PCDHGA4: variants seen among roughly 807,000 people sequenced by gnomAD.
PCDHGA4 encodes the protein protocadherin gamma-A4.
In PCDHGA4, 38 loss-of-function variants were observed where a neutral mutation model predicts 54.6. The observed-to-expected ratio is 0.70, with a 90% CI of 0.54 to 0.91. PCDHGA4 has a LOEUF of 0.91. Ranked by LOEUF, PCDHGA4 falls within the 40% of genes least tolerant of loss-of-function variation. The pLI, the probability that PCDHGA4 is intolerant of heterozygous loss-of-function variation, is 0.00. For missense variants in PCDHGA4, 1,298 were observed against 1,220.9 expected (o/e 1.06, Z -0.94); for synonymous variants, 511 against 512.9 (o/e 1.00, Z 0.05).
At chr5:141,363,598 C>T (rs147406572) in intron 1 of PCDHGA4, among the ~76,000 whole-genome samples, 4 of 152,298 alleles carry the variant, frequency 2.6e-5, no homozygotes, top group African/African-American at 7.2e-5. Context: ...CCAACTCAAA[C>T]GCTGTCTGAG....
Position 141,491,730 on chromosome 5 carries a change from C to G in PCDHGA4, c.2515-3077C>G, listed in dbSNP as rs1346666614. 1 of 1,603,920 alleles carries G rather than the reference C, an allele frequency of 6.2e-7. No homozygotes were observed. Among genetic ancestry groups the G allele is most frequent in the Non-Finnish European group, 8.5e-7 (1 of 1,175,836 alleles). ...GGGGCTCGGCGCCGCCCCGGGCGAC[C>G]CCTGGGGGCGGCACTGGAGAAGCCG... On this transcript the variant is annotated intron_variant, in intron 1 of 3. Coordinates refer to ENST00000571252, the MANE Select transcript of PCDHGA4 (RefSeq NM_018917.4). The surrounding 1 kb of genome is among the most constrained non-coding windows in gnomAD (Gnocchi z 6.9).
intron 1 of PCDHGA4, among the ~76,000 whole-genome samples, chr5:141,457,926 GGGCTTTTATT>G (rs1398565105): frequency 6.6e-6 from 1 of 151,120 alleles, no homozygotes; most frequent in Non-Finnish European, 1.5e-5. Context: ...TCTCCCCAAG[GGGCTTTTATT>G]GGCTCTGCAT....
chr5:141,389,126 A>G, intron 1 of PCDHGA4: 1 of 1,614,034 alleles, frequency 6.2e-7, no homozygotes, highest in South Asian at 1.1e-5. Context: ...AGCAGAATCC[A>G]GAGTACAATA....
intron 1 of PCDHGA4, chr5:141,410,291 G>A: frequency 1.2e-6 from 2 of 1,613,948 alleles, no homozygotes; most frequent in Non-Finnish European, 1.7e-6. Flanking sequence ...GGTGGCCTTG[G>A]CCTTAATCTC....
At chr5:141,390,150 C>T (rs768850867) in intron 1 of PCDHGA4, 1 of 1,613,916 alleles carries the variant, frequency 6.2e-7, no homozygotes, top group African/African-American at 1.3e-5. Flanking sequence ...ATGTGTTGCA[C>T]ATACAGGAAA....
At chr5:141,393,211 T>G (rs1310978287) in intron 1 of PCDHGA4, 3 of 1,613,502 alleles carry the variant, frequency 1.9e-6, no homozygotes, top group Non-Finnish European at 1.7e-6. Flanking sequence ...AACCCAAAAT[T>G]CCAGGTCGAA....
At chr5:141,484,921 T>A in intron 1 of PCDHGA4, 1 of 478,304 alleles carries the variant, frequency 2.1e-6, no homozygotes, top group South Asian at 2.8e-5. Flanking sequence ...TTAACCCTGC[T>A]GCTGTTGGGA....
intron 1 of PCDHGA4, chr5:141,415,449 C>G: frequency 6.2e-7 from 1 of 1,614,182 alleles, no homozygotes; most frequent in Admixed American, 1.7e-5. Context: ...AGACCTATTC[C>G]CACGAGGTCT....
chr5:141,478,013 C>G (rs768425714), intron 1 of PCDHGA4: 6 of 1,614,136 alleles, frequency 3.7e-6, no homozygotes. Flanking sequence ...TACTGCCCGT[C>G]CAGTCCAAGA....
At position 141,361,752 on chromosome 5, in the gene PCDHGA4, G is replaced by C. The variant is rs1860253; in HGVS notation, c.2514+4131G>C. 6.1e-5 allele frequency: 99 copies of C among 1,612,892 alleles called. 1 individual carries two copies. The highest frequency in any genetic ancestry group is 3.3e-4 in the Middle Eastern group (2 of 6,058). On this transcript the variant is annotated intron_variant, in intron 1 of 3. Transcript: ENST00000571252. ...CACTGCAGGCCCGCGACCAGGGCTC[G>C]CCCGCGCTCAGCGCCAACGTGAGCC...
chr5:141,364,567 G>C, intron 1 of PCDHGA4: 1 of 1,614,130 alleles, frequency 6.2e-7, no homozygotes, highest in Non-Finnish European at 8.5e-7. Flanking sequence ...CCCTGAACCC[G>C]CGAAGCGGCA....
Position 141,495,011 on chromosome 5 carries a change from G to A in PCDHGA4, c.2573+146G>A, listed in dbSNP as rs2099758277. On this transcript the variant is annotated intron_variant, in intron 2 of 3. Coordinates refer to ENST00000571252, the MANE Select transcript of PCDHGA4 (RefSeq NM_018917.4). ...CCAGGGAGGTCTTGGTGTGCGGGGG[G>A]CTGGCACACAGACCCCGGAAGGAAG... is the stretch of plus-strand genomic sequence containing the variant. 4.6e-6 allele frequency: 7 copies of A among 1,512,044 alleles called. No individual in the cohort carries two copies. In the East Asian group the frequency reaches 1.5e-4, roughly 32 times the overall value. 93.7% of individuals were successfully genotyped at this position (1,512,044 alleles called of 1,614,324 possible).
At chr5:141,422,636 C>T in intron 1 of PCDHGA4, 3 of 1,612,584 alleles carry the variant, frequency 1.9e-6, no homozygotes, top group Non-Finnish European at 2.5e-6. Context: ...CCCAGGGGTG[C>T]CTCCATCTTC....
intron 2 of PCDHGA4, among the ~76,000 whole-genome samples, chr5:141,495,279 G>C (rs72790069): frequency 0.027 from 4,092 of 152,256 alleles, 88 homozygotes; most frequent in Middle Eastern, 0.048. Flanking sequence ...CGGAGGAGGC[G>C]GTCCGCACTC....
intron 1 of PCDHGA4, chr5:141,430,923 A>C (rs2097325574): frequency 6.2e-7 from 1 of 1,607,168 alleles, no homozygotes; most frequent in African/African-American, 1.3e-5. Context: ...CTGGGGCTGG[A>C]GCCCCGGGAG....
chr5:141,415,828 G>T, intron 1 of PCDHGA4: 1 of 1,293,336 alleles, frequency 7.7e-7, no homozygotes, highest in East Asian at 2.8e-5. Flanking sequence ...ATAAGGCTTT[G>T]TTATGATTAG....
At chr5:141,414,753 T>G (rs10041534) in intron 1 of PCDHGA4, 22 of 1,614,088 alleles carry the variant, frequency 1.4e-5, no homozygotes, top group Non-Finnish European at 1.8e-5. Context: ...CCTTCGACTA[T>G]GAGCAGTTTC....
intron 1 of PCDHGA4, among the ~76,000 whole-genome samples, chr5:141,444,257 C>T (rs376980362): frequency 1.2e-4 from 18 of 147,512 alleles, no homozygotes; most frequent in East Asian, 6.0e-4. Context: ...CTGCAACCTC[C>T]GCCTCCCAGG....
At chr5:141,471,073 G>A (rs2099249169) in intron 1 of PCDHGA4, among the ~76,000 whole-genome samples, 2 of 143,298 alleles carry the variant, frequency 1.4e-5, no homozygotes, top group Non-Finnish European at 3.0e-5. Flanking sequence ...TTTTGAGACA[G>A]GGTCTCCCTC....
Sources: allele counts gnomAD v4.1 joint callset (sites outside exome capture counted in the v4.1 genomes callset), GRCh38; gene constraint gnomAD v4.1.1; non-coding constraint Gnocchi (gnomAD v3.1); transcripts MANE v1.5; gene names NCBI Gene and HGNC (gene_info 2026-07-23, HGNC 2026-07-21).